Variants in ZDHHC17 observed in about 807,000 individuals in gnomAD.
The protein encoded by ZDHHC17 is zDHHC palmitoyltransferase 17.
Under a neutral mutation model 90.3 loss-of-function variants are expected in ZDHHC17, and 40 were observed. That is an observed-to-expected ratio of 0.44 (90% confidence interval 0.34 to 0.58). The LOEUF (loss-of-function observed/expected upper bound fraction) is 0.58, where lower values mean the gene tolerates loss of function less well. Ranked by LOEUF, ZDHHC17 falls within the 20% of genes least tolerant of loss-of-function variation. The pLI is 0.01. For synonymous variants in ZDHHC17, 235 were observed against 252.4 expected (o/e 0.93, Z 0.65); for missense variants, 614 against 780.8 (o/e 0.79, Z 2.55).
At chr12:76,792,743 AT>A (rs1952774040) in intron 1 of ZDHHC17, among the ~76,000 whole-genome samples, 1 of 152,140 alleles carries the variant, frequency 6.6e-6, no homozygotes, top group Non-Finnish European at 1.5e-5. Flanking sequence ...ATATGAAATC[AT>A]TTTATGTTCC....
At chr12:76,815,271 G>A in intron 6 of ZDHHC17, 61 bp downstream of exon 6, 1 of 1,220,440 alleles carries the variant, frequency 8.2e-7, no homozygotes, top group South Asian at 1.5e-5. Context: ...TATGAAGTAA[G>A]AGAGAGGAAA....
At chr12:76,778,525 G>A (rs11115336) in intron 1 of ZDHHC17, among the ~76,000 whole-genome samples, 1,683 of 152,266 alleles carry the variant, frequency 0.011, 11 homozygotes, top group Non-Finnish European at 0.017. Flanking sequence ...GCCCTGCCGG[G>A]AAGTTTTAAC....
chr12:76,832,421 G>A (rs750834455), intron 10 of ZDHHC17, among the ~76,000 whole-genome samples: 23 of 152,172 alleles, frequency 1.5e-4, no homozygotes, highest in Non-Finnish European at 2.9e-4. Context: ...ATTCACAGTA[G>A]TTCTGTGAAG....
chr12:76,839,827 A>T (rs1168938591), intron 10 of ZDHHC17, among the ~76,000 whole-genome samples: 3 of 152,218 alleles, frequency 2.0e-5, no homozygotes, highest in African/African-American at 7.2e-5. Flanking sequence ...AAACTGGTAT[A>T]TCTTGCTGGA....
At chr12:76,839,887 G>A (rs997057653) in intron 10 of ZDHHC17, among the ~76,000 whole-genome samples, 5 of 152,138 alleles carry the variant, frequency 3.3e-5, no homozygotes, top group Non-Finnish European at 7.4e-5. Context: ...CCTTAAAAAT[G>A]TTTATACCTA....
intron 1 of ZDHHC17, among the ~76,000 whole-genome samples, chr12:76,794,037 C>T (rs534090977): frequency 6.6e-6 from 1 of 152,114 alleles, no homozygotes; most frequent in South Asian, 2.1e-4. Context: ...AGGCGCCTGC[C>T]ACCATGCTGG....
chr12:76,789,563 A>G (rs139894534), intron 1 of ZDHHC17, among the ~76,000 whole-genome samples: 1,680 of 152,318 alleles, frequency 0.011, 11 homozygotes, highest in Non-Finnish European at 0.017. Context: ...GTTGAAAGGA[A>G]TACTTACAAA....
In ZDHHC17 at chr12:76,797,597, T is replaced by A. The variant is rs1952835745; in HGVS notation, c.197+60T>A. 3.1e-6 allele frequency: 4 copies of A among 1,288,802 alleles called. No homozygotes were observed. In the Admixed American group the frequency reaches 9.5e-5, roughly 31 times the overall value. The allele number at this position is 1,288,802 out of a possible 1,614,324, so 79.8% of individuals were successfully genotyped here. Reference sequence around the variant, plus strand: ...GTGTATTTCAAGTGAAATATGAATCTGAATAACAGTCATATTACTTTGGGA... The same window carrying A: ...GTGTATTTCAAGTGAAATATGAATCAGAATAACAGTCATATTACTTTGGGA... On this transcript the variant is annotated intron_variant, in intron 2 of 16. Coordinates refer to ENST00000426126, the MANE Select transcript of ZDHHC17 (RefSeq NM_015336.4).
At chr12:76,849,747 T>C (rs918904593) in intron 16 of ZDHHC17, 5 of 196,122 alleles carry the variant, frequency 2.5e-5, no homozygotes, top group South Asian at 1.6e-4. Context: ...ATATGAAATA[T>C]TTAAAACTTT....
chr12:76,764,450 T>G (rs1592451671), intron 1 of ZDHHC17, 121 bp downstream of exon 1: 22 of 898,818 alleles, frequency 2.4e-5, no homozygotes, highest in East Asian at 5.6e-5. Flanking sequence ...TTGGGGAGGG[T>G]GGGGAGGCGA....
Position 76,809,111 on chromosome 12 carries a change from G to A in ZDHHC17, c.389G>A (p.Trp130Ter). 1 of 1,543,412 alleles carries A rather than the reference G, an allele frequency of 6.5e-7. No individual in the cohort carries two copies. Residue 130 changes from tryptophan (W) to a stop codon, truncating the protein, a stop_gained, in exon 4 of 17, where the codon TGG becomes TAG. Coordinates refer to ENST00000426126, the MANE Select transcript of ZDHHC17 (RefSeq NM_015336.4). LOFTEE classifies it high-confidence loss of function. ...GACCTGAATTCAACTCCATTGCACT[G>A]GGCCACAAGGTTTAAATTTGCTTCT... ...GGDLNSTPLH[W>*]ATRQGHLSMV...
chr12:76,811,542 T>C (rs1012035511), intron 5 of ZDHHC17, among the ~76,000 whole-genome samples: 10 of 152,162 alleles, frequency 6.6e-5, no homozygotes, highest in Non-Finnish European at 1.2e-4. Flanking sequence ...GCAGGATTTC[T>C]ACCTGTCAGT....
chr12:76,827,445 T>C (rs1953243396), intron 9 of ZDHHC17, among the ~76,000 whole-genome samples: 2 of 152,142 alleles, frequency 1.3e-5, no homozygotes, highest in Admixed American at 6.5e-5. Context: ...AAGGAAGAGG[T>C]TTTATTTCTA....
At chr12:76,842,882 T>A in intron 11 of ZDHHC17, 37 bp from the exon 12 acceptor site, 2 of 1,505,334 alleles carry the variant, frequency 1.3e-6, no homozygotes, top group Non-Finnish European at 1.8e-6. Flanking sequence ...TGAGCATTGT[T>A]CAGTTTTGAA....
chr12:76,788,107 T>C (rs1952712887), intron 1 of ZDHHC17, among the ~76,000 whole-genome samples: 2 of 152,206 alleles, frequency 1.3e-5, no homozygotes, highest in African/African-American at 2.4e-5. Flanking sequence ...TTAGTAGTTA[T>C]GCTACACATA....
chr12:76,842,097 A>C lies in ZDHHC17; in HGVS notation c.1257A>C (p.Gln419His). 1 of 1,576,466 alleles carries C rather than the reference A, an allele frequency of 6.3e-7. No individual in the cohort carries two copies. The highest frequency in any genetic ancestry group is 8.6e-7 in the Non-Finnish European group (1 of 1,165,012). Reference sequence around the variant, plus strand: ...GGATTATTAAAGCAACAGAAGAGCAAAAGAAAAAGGTAGCAAAATACCAAC... The same window carrying C: ...GGATTATTAAAGCAACAGAAGAGCACAAGAAAAAGGTAGCAAAATACCAAC... Reference protein sequence around the residue: ...DPGIIKATEEQKKKTIVELAE... With the variant: ...DPGIIKATEEHKKKTIVELAE... The change falls in exon 11 of 17, where the codon CAA becomes CAC. Residue 419 changes from glutamine (Q) to histidine (H), a missense_variant. By Grantham distance (24) the Gln-to-His change is conservative. This residue lies in a region of ZDHHC17 where 117 missense variants were observed against 183.6 expected (regional missense o/e 0.64). Transcript: ENST00000426126.
chr12:76,825,196 T>C (rs556555566), intron 8 of ZDHHC17, among the ~76,000 whole-genome samples: 14 of 152,196 alleles, frequency 9.2e-5, no homozygotes, highest in Non-Finnish European at 1.5e-4. Context: ...GATATGCTAC[T>C]GTGATACGCT....
At chr12:76,800,940 T>C (rs1952880482) in intron 2 of ZDHHC17, among the ~76,000 whole-genome samples, 1 of 143,238 alleles carries the variant, frequency 7.0e-6, no homozygotes, top group Admixed American at 7.6e-5. Flanking sequence ...TAGGCTGGAG[T>C]GCCATGGCGC....
intron 12 of ZDHHC17, 146 bp downstream of exon 12, chr12:76,843,127 G>A: frequency 1.7e-6 from 1 of 577,278 alleles, no homozygotes. Flanking sequence ...GATGGTTAAA[G>A]GATGTCTGCT....
Sources: allele counts gnomAD v4.1 joint callset (sites outside exome capture counted in the v4.1 genomes callset), GRCh38; gene constraint gnomAD v4.1.1; regional missense constraint gnomAD v4.1.1; transcripts MANE v1.5; gene names NCBI Gene and HGNC (gene_info 2026-07-23, HGNC 2026-07-21).